The following COX7A2L variants were observed in gnomAD, a reference collection of about 807,000 sequenced individuals.
The protein encoded by COX7A2L is cytochrome c oxidase subunit 7A2 like.
A neutral mutation model predicts 14.2 loss-of-function variants in COX7A2L; 18 were observed. The ratio of observed to expected loss-of-function variants is 1.27; its 90% CI spans 0.88 to 1.88. COX7A2L has a LOEUF of 1.88. COX7A2L is among the 40% of genes most tolerant of loss of function. COX7A2L has a pLI of 0.00. For missense variants in COX7A2L, 179 were observed against 138.8 expected (o/e 1.29, Z -1.46); for synonymous variants, 65 against 57.4 (o/e 1.13, Z -0.60).
At chr2:42,348,811 G>C (rs568831555), downstream of COX7A2L, among the ~76,000 whole-genome samples, 1 of 151,966 alleles carries the variant, frequency 6.6e-6, no homozygotes, top group Non-Finnish European at 1.5e-5. Flanking sequence ...CTAGTTACTC[G>C]GGAGGCTGAC....
chr2:42,351,865 A>G (rs2103889318), intron 2 of COX7A2L, among the ~76,000 whole-genome samples: 1 of 152,166 alleles, frequency 6.6e-6, no homozygotes, highest in South Asian at 2.1e-4. Flanking sequence ...CCCATTAGGG[A>G]CTTCCTATTA....
In COX7A2L at chr2:42,342,815, G is replaced by A. The variant is rs1262350939; in HGVS notation, c.193-8946C>T. On this transcript the variant is annotated intron_variant, in intron 2 of 2. Transcript: ENST00000468711. The surrounding 1 kb of genome is among the most constrained non-coding windows in gnomAD (Gnocchi z 4.9). ...AGCGCCCCCCGTTTCGGGTTTTGCA[G>A]CAGACTTCCCCTGGGAAGTCAGCTC... Among the ~76,000 whole-genome samples, 1 of 152,114 alleles carries A rather than the reference G, an allele frequency of 6.6e-6. No individual in the cohort carries two copies. The highest frequency in any genetic ancestry group is 1.5e-5 in the Non-Finnish European group (1 of 68,022).
At position 42,350,175 on chromosome 2, in the gene COX7A2L, T is replaced by C. The variant is rs753497706; in HGVS notation, c.*1044A>G. ...CTGTGCTATGGTAAGATACAAACTATTCCTTCATATATAATAAAATTCCAC... is the reference window on the plus strand; with the variant it reads ...CTGTGCTATGGTAAGATACAAACTACTCCTTCATATATAATAAAATTCCAC... On this transcript the variant is annotated 3_prime_UTR_variant, in exon 3 of 3. Coordinates refer to ENST00000234301, the MANE Select transcript of COX7A2L (RefSeq NM_004718.4). 1 of 152,144 alleles carries C rather than the reference T, an allele frequency of 6.6e-6. No homozygotes were observed. Among genetic ancestry groups the C allele is most frequent in the Non-Finnish European group, 1.5e-5 (1 of 68,020 alleles). The allele number at this position is 152,144 out of a possible 1,614,324, so 9.4% of individuals were successfully genotyped here. A position where few individuals can be genotyped will look rare whatever the true frequency, so the allele number is the denominator to read the frequency against.
chr2:42,352,005 G>A (rs977971349), intron 2 of COX7A2L, among the ~76,000 whole-genome samples: 1 of 152,120 alleles, frequency 6.6e-6, no homozygotes, highest in Non-Finnish European at 1.5e-5. Context: ...AAGAGGTGCT[G>A]GCACGAGAAA....
upstream of COX7A2L, among the ~76,000 whole-genome samples, chr2:42,363,873 C>T (rs1671107497): frequency 6.6e-6 from 1 of 152,166 alleles, no homozygotes; most frequent in Non-Finnish European, 1.5e-5. Context: ...AGTCCAGCTC[C>T]TGGTGAATCT....
Position 42,342,851 on chromosome 2 carries a change from G to A in COX7A2L, c.193-8982C>T, listed in dbSNP as rs563107668. Among the ~76,000 whole-genome samples, 1 of 152,106 alleles carries A rather than the reference G, an allele frequency of 6.6e-6. No homozygotes were observed. The highest frequency in any genetic ancestry group is 1.5e-5 in the Non-Finnish European group (1 of 68,010). On this transcript the variant is annotated intron_variant, in intron 2 of 2. Coordinates refer to the COX7A2L transcript ENST00000468711. This position sits in a 1 kb window ranked among gnomAD's most constrained non-coding sequence, Gnocchi z 4.9. ...CTGGGAAGTCAGCTCCAGCAGTCTT[G>A]GGACCCTGGGCAAGCAGCATCTGGG...
At chr2:42,341,990 G>A (rs1489178714) in intron 2 of COX7A2L, among the ~76,000 whole-genome samples, 1 of 152,140 alleles carries the variant, frequency 6.6e-6, no homozygotes, top group African/African-American at 2.4e-5. Flanking sequence ...ACATAACATG[G>A]AGGCTTTGTG....
At position 42,340,056 on chromosome 2, in the gene COX7A2L, C is replaced by G. The variant is rs572411353; in HGVS notation, c.193-6187G>C. Among the ~76,000 whole-genome samples, 248 of 152,300 alleles carry G rather than the reference C, an allele frequency of 1.6e-3. 1 individual carries two copies. Among genetic ancestry groups the G allele is most frequent in the African/African-American group, 5.8e-3 (240 of 41,550 alleles). On this transcript the variant is annotated intron_variant, in intron 2 of 2. Transcript: ENST00000468711. ...GTATATTCGGTCTCGAGTTTTAACT[C>G]CAGTCCAGATCCCTCGCCTTCTCCT...
At chr2:42,361,252 C>G, upstream of COX7A2L, 1 of 1,236,234 alleles carries the variant, frequency 8.1e-7, no homozygotes, top group East Asian at 2.6e-5. Context: ...CGAGACTCAG[C>G]GCAAGGACCC....
intron 2 of COX7A2L, among the ~76,000 whole-genome samples, chr2:42,341,903 C>A (rs558133490): frequency 6.6e-6 from 1 of 152,260 alleles, no homozygotes; most frequent in East Asian, 1.9e-4. Flanking sequence ...AGTCTCTGGA[C>A]GGCTCTAATC....
At chr2:42,343,050 C>T (rs1372189340) in intron 2 of COX7A2L, among the ~76,000 whole-genome samples, 1 of 152,206 alleles carries the variant, frequency 6.6e-6, no homozygotes, top group Non-Finnish European at 1.5e-5. Context: ...CTGAGCCACC[C>T]TCACTGCTCT....
At chr2:42,344,883 G>C (rs561144008), downstream of COX7A2L, among the ~76,000 whole-genome samples, 67 of 151,890 alleles carry the variant, frequency 4.4e-4, no homozygotes, top group African/African-American at 1.6e-3. Flanking sequence ...ATTAGAGGGA[G>C]GGAGCTGGTT....
intron 2 of COX7A2L, among the ~76,000 whole-genome samples, chr2:42,335,792 T>G (rs1239988806): frequency 6.6e-6 from 1 of 152,198 alleles, no homozygotes; most frequent in Non-Finnish European, 1.5e-5. Flanking sequence ...CGGTTAAACT[T>G]CCAGTAGAAG....
intron 2 of COX7A2L, among the ~76,000 whole-genome samples, chr2:42,343,539 T>C (rs375992160): frequency 3.9e-5 from 6 of 152,202 alleles, no homozygotes; most frequent in African/African-American, 1.4e-4. Flanking sequence ...GCCCCATTTC[T>C]CAGCCAACCC....
intron 2 of COX7A2L, among the ~76,000 whole-genome samples, chr2:42,335,756 A>C (rs1273745713): frequency 6.6e-6 from 1 of 152,254 alleles, no homozygotes; most frequent in African/African-American, 2.4e-5. Flanking sequence ...CTGTAAAATA[A>C]CAATGGTTGT....
chr2:42,362,243 G>C (rs773578088), upstream of COX7A2L, among the ~76,000 whole-genome samples: 4 of 152,170 alleles, frequency 2.6e-5, no homozygotes, highest in African/African-American at 9.7e-5. Flanking sequence ...AGCCTGTGCT[G>C]TGTGCAAGGT....
chr2:42,363,221 C>T (rs563792873), upstream of COX7A2L, among the ~76,000 whole-genome samples: 12 of 152,208 alleles, frequency 7.9e-5, no homozygotes, highest in South Asian at 2.1e-4. Context: ...GATTTTTCTA[C>T]GACAAAAAGT....
chr2:42,361,719 C>G (rs530461143), upstream of COX7A2L: 1 of 152,778 alleles, frequency 6.5e-6, no homozygotes, highest in East Asian at 1.9e-4. Context: ...CTTGCTTTAC[C>G]GAACTTTAAC....
chr2:42,345,154 G>A (rs906173496), downstream of COX7A2L, among the ~76,000 whole-genome samples: 19 of 151,740 alleles, frequency 1.3e-4, no homozygotes, highest in Non-Finnish European at 1.9e-4. Flanking sequence ...AGGCTGAGGC[G>A]GGCAGATCAC....
Sources: allele counts gnomAD v4.1 joint callset (sites outside exome capture counted in the v4.1 genomes callset), GRCh38; gene constraint gnomAD v4.1.1; non-coding constraint Gnocchi (gnomAD v3.1); transcripts MANE v1.5; gene names NCBI Gene and HGNC (gene_info 2026-07-23, HGNC 2026-07-21).